Variants in HK1 observed in about 807,000 individuals in gnomAD.
HK1 encodes the protein hexokinase-1.
In HK1, 28 loss-of-function variants were observed where a neutral mutation model predicts 91.6. The observed-to-expected ratio is 0.31, with a 90% confidence interval of 0.23 to 0.42. The LOEUF is 0.42. Among genes scored for constraint, HK1 ranks in the 10% least tolerant of loss-of-function variants. The pLI is 1.00. For synonymous variants in HK1, 430 were observed against 468.1 expected, an observed-to-expected ratio of 0.92 and a Z score of 1.05; for missense variants, 770 against 1,219.8, an observed-to-expected ratio of 0.63 and a Z score of 5.49.
chr10:69,398,015 A>C, intron 16 of HK1, among the ~76,000 whole-genome samples: 1 of 152,276 alleles, frequency 6.6e-6, no homozygotes, highest in East Asian at 1.9e-4. Context: ...TCTGTAAGGC[A>C]TCTGGCAATG....
intron 1 of HK1, among the ~76,000 whole-genome samples, chr10:69,336,923 G>A (rs1848022509): frequency 6.6e-6 from 1 of 152,118 alleles, no homozygotes; most frequent in Non-Finnish European, 1.5e-5. Context: ...GGGATTACAA[G>A]CGTGAGCCAC....
At position 69,377,883 on chromosome 10, in the gene HK1, C is replaced by G. The variant is rs1338484114; in HGVS notation, c.1031+794C>G. On this transcript the variant is annotated intron_variant, in intron 8 of 17. Transcript: ENST00000359426. ...GAGAAACACCGGTTAACAGATGAGA[C>G]AGGACAGTTAGAAGGAAGGACAGAG... Among the ~76,000 whole-genome samples the G allele has an allele frequency of 2.0e-5, 3 of 152,214 alleles. No individual in the cohort carries two copies. In the East Asian group the frequency reaches 5.8e-4, roughly 29 times the overall value.
chr10:69,332,230 G>A (rs572622316), intron 1 of HK1, among the ~76,000 whole-genome samples: 2 of 152,140 alleles, frequency 1.3e-5, no homozygotes, highest in Admixed American at 6.6e-5. Context: ...GTGGGTTTCT[G>A]GGCATCCTTG....
chr10:69,301,698 T>C (rs1193557982), intron 5 of HK1, among the ~76,000 whole-genome samples: 1 of 151,860 alleles, frequency 6.6e-6, no homozygotes, highest in Non-Finnish European at 1.5e-5. Flanking sequence ...CAAAGGATTG[T>C]TGAAAGAAAA....
At chr10:69,366,326 G>C (rs545284832) in intron 4 of HK1, among the ~76,000 whole-genome samples, 39 of 152,220 alleles carry the variant, frequency 2.6e-4, no homozygotes, top group African/African-American at 8.9e-4. Flanking sequence ...AGTAGCATTT[G>C]GGCTCAGGGC....
At chr10:69,324,482 C>G (rs1006798035) in intron 1 of HK1, among the ~76,000 whole-genome samples, 1 of 152,082 alleles carries the variant, frequency 6.6e-6, no homozygotes, top group Non-Finnish European at 1.5e-5. Flanking sequence ...GTCCCAGCTT[C>G]TCGGGAGGCT....
chr10:69,281,934 G>A (rs181223009), intron 1 of HK1, among the ~76,000 whole-genome samples: 196 of 152,264 alleles, frequency 1.3e-3, no homozygotes, highest in African/African-American at 4.4e-3. Context: ...CACAGAGTGG[G>A]CATTTCATCT....
At chr10:69,325,935 A>G (rs1847341681) in intron 1 of HK1, among the ~76,000 whole-genome samples, 1 of 151,164 alleles carries the variant, frequency 6.6e-6, no homozygotes, top group Non-Finnish European at 1.5e-5. Context: ...GCCAGGTTCA[A>G]GCGATTCTTC....
At chr10:69,355,618 C>A (rs1849087928) in intron 2 of HK1, among the ~76,000 whole-genome samples, 1 of 151,928 alleles carries the variant, frequency 6.6e-6, no homozygotes, top group African/African-American at 2.4e-5. Context: ...GGTGAAACCC[C>A]GTCTCTACTA....
At chr10:69,300,385 T>C in intron 4 of HK1, 2 of 539,588 alleles carry the variant, frequency 3.7e-6, no homozygotes, top group Non-Finnish European at 6.6e-6. Context: ...TGTTTTTTGC[T>C]TTTTTTTCAT....
At chr10:69,297,334 G>A (rs1845615231) in intron 4 of HK1, among the ~76,000 whole-genome samples, 1 of 152,190 alleles carries the variant, frequency 6.6e-6, no homozygotes, top group Admixed American at 6.5e-5. Flanking sequence ...GGCTGAGGAG[G>A]AGGTAGAGGA....
intron 1 of HK1, among the ~76,000 whole-genome samples, chr10:69,273,366 T>C (rs1429228723): frequency 6.6e-6 from 1 of 152,060 alleles, no homozygotes; most frequent in South Asian, 2.1e-4. Flanking sequence ...CAGGCGCCCG[T>C]CACCACACCC....
chr10:69,359,201 G>A (rs1052871704), intron 2 of HK1, among the ~76,000 whole-genome samples: 4 of 152,200 alleles, frequency 2.6e-5, no homozygotes, highest in Admixed American at 6.5e-5. Flanking sequence ...TAGAGACAGA[G>A]AGTAGAATCG....
intron 4 of HK1, among the ~76,000 whole-genome samples, chr10:69,299,939 C>T (rs921575702): frequency 6.6e-6 from 1 of 151,476 alleles, no homozygotes; most frequent in Non-Finnish European, 1.5e-5. Context: ...GGATTACAGG[C>T]CTCAGCCACC....
chr10:69,368,894 G>A (rs1027967388), intron 5 of HK1, among the ~76,000 whole-genome samples: 1 of 152,182 alleles, frequency 6.6e-6, no homozygotes, highest in African/African-American at 2.4e-5. Flanking sequence ...CAGGGAGTGG[G>A]TGTCACGGAT....
chr10:69,314,545 C>G (rs1846541680), upstream of HK1, among the ~76,000 whole-genome samples: 2 of 152,202 alleles, frequency 1.3e-5, no homozygotes, highest in African/African-American at 4.8e-5. Context: ...CGTTTTTTCG[C>G]TCTCTTTGAG....
In HK1 at chr10:69,300,839, C is replaced by CAA. The variant is rs781180085; in HGVS notation, c.9_10dup (p.Arg4LysfsTer23). 1.2e-6 allele frequency: 2 copies of CAA among 1,600,642 alleles called. No individual in the cohort carries two copies. The highest frequency in any genetic ancestry group is 2.2e-5 in the South Asian group (2 of 90,734). On this transcript the variant is annotated frameshift_variant, in exon 5 of 22. Transcript: ENST00000360289. LOFTEE classifies it high-confidence loss of function. ...CCACTGTGGTGGCGTGGAAAGATGG[C>CAA]AAAAAGAGCCCTGCATGATTTTGTA... is the stretch of plus-strand genomic sequence containing the variant.
chr10:69,298,965 A>T lies in HK1; in HGVS notation c.-66-1804A>T, dbSNP rs1366376486. ...TTATTTATTTATTTTTTGGAAACAG[A>T]GTCTCACTCTGTTGCCCAGGCTGGA... On this transcript the variant is annotated intron_variant, in intron 4 of 21. Transcript: ENST00000360289. Among the ~76,000 whole-genome samples the T allele has an allele frequency of 2.0e-5, 3 of 151,754 alleles. 1 individual carries two copies. Among genetic ancestry groups the T allele is most frequent in the African/African-American group, 7.3e-5 (3 of 41,048 alleles).
chr10:69,360,091 C>T (rs779261243), intron 3 of HK1, 46 bp downstream of exon 3: 52 of 1,594,730 alleles, frequency 3.3e-5, no homozygotes, highest in Non-Finnish European at 3.4e-5. Context: ...CCAGCATCCC[C>T]TTGGTTACCT....
Sources: gnomAD v4.1 joint callset for allele counts (sites outside exome capture counted in the v4.1 genomes callset) on GRCh38, gnomAD v4.1.1 for gene constraint, MANE v1.5 for transcripts, NCBI Gene and HGNC (gene_info 2026-07-23, HGNC 2026-07-21) for gene names.